ATP10A: variants seen among roughly 807,000 people sequenced by gnomAD.
ATP10A encodes the protein phospholipid-transporting ATPase VA.
ATP10A carries 111 observed loss-of-function variants against 147.8 expected under a neutral mutation model. That is an observed-to-expected ratio of 0.75 (90% confidence interval 0.64 to 0.88). ATP10A has a LOEUF of 0.88. Among genes scored for constraint, ATP10A ranks in the 40% least tolerant of loss-of-function variants. ATP10A has a pLI of 0.00. For synonymous variants in ATP10A, 875 were observed against 841.6 expected (o/e 1.04, Z -0.69); for missense variants, 1,927 against 1,959.0 (o/e 0.98, Z 0.31).
At chr15:25,732,378 G>A (rs1886986373) in intron 3 of ATP10A, among the ~76,000 whole-genome samples, 1 of 151,764 alleles carries the variant, frequency 6.6e-6, no homozygotes, top group Non-Finnish European at 1.5e-5. Flanking sequence ...TGGTACTATA[G>A]GAGTGCACCT....
chr15:25,732,688 TG>T (rs1887014601), intron 3 of ATP10A, among the ~76,000 whole-genome samples: 1 of 147,712 alleles, frequency 6.8e-6, no homozygotes, highest in Non-Finnish European at 1.5e-5. Context: ...CCCGAGTAGC[TG>T]GGACTACAGG....
At chr15:25,805,635 G>C (rs1274711906) in intron 1 of ATP10A, among the ~76,000 whole-genome samples, 1 of 152,142 alleles carries the variant, frequency 6.6e-6, no homozygotes, top group Non-Finnish European at 1.5e-5. Context: ...GATTGGAGGG[G>C]TGTGTCTGTC....
At chr15:25,769,976 C>A (rs941622380) in intron 2 of ATP10A, among the ~76,000 whole-genome samples, 6 of 152,192 alleles carry the variant, frequency 3.9e-5, no homozygotes, top group Admixed American at 6.5e-5. Flanking sequence ...GGACGACCAC[C>A]TGCAAGCCCA....
At position 25,716,783 on chromosome 15, in the gene ATP10A, G is replaced by C. The variant is rs758795698; in HGVS notation, c.1723C>G (p.Leu575Val). 6.2e-7 allele frequency: 1 copy of C among 1,608,784 alleles called. No individual in the cohort carries two copies. The change falls in exon 9 of 21, where the codon CTC becomes GTC. Residue 575 changes from leucine (L) to valine (V), a missense_variant. Transcript: ENST00000555815. ...LSDVFDFFIALTICNTVVVTS... is the reference protein window; with the variant it reads ...LSDVFDFFIAVTICNTVVVTS... ...ACGACGACTGTGTTGCAGATGGTGA[G>C]TGCGATGAAGAAATCAAAGACGTCA...
At chr15:25,854,245 A>T (rs1030228246) in intron 1 of ATP10A, among the ~76,000 whole-genome samples, 4 of 152,134 alleles carry the variant, frequency 2.6e-5, no homozygotes, top group African/African-American at 7.2e-5. Flanking sequence ...AGCTTGAAAG[A>T]GCTCCCAAAA....
At position 25,714,005 on chromosome 15, in the gene ATP10A, G is replaced by A; in HGVS notation, c.2013C>T (p.Ser671=). The change falls in exon 10 of 21, where the codon AGC becomes AGT. Residue 671 remains serine, a synonymous_variant. Transcript: ENST00000555815. ...PTSAIASNGY[S]SQADNWASEL... ...CCGAGGCCCAGTTGTCCGCCTGGCT[G>A]CTGTAGCCGTTGCTGGCGATGGCCG... 2 of 1,610,130 alleles carry A rather than the reference G, an allele frequency of 1.2e-6. No homozygotes were observed. The highest frequency in any genetic ancestry group is 1.7e-6 in the Non-Finnish European group (2 of 1,179,914).
chr15:25,698,092 C>T (rs1900449867), intron 13 of ATP10A, among the ~76,000 whole-genome samples: 1 of 151,758 alleles, frequency 6.6e-6, no homozygotes, highest in Non-Finnish European at 1.5e-5. Flanking sequence ...GGATGGGATC[C>T]CAGAACAAAA....
intron 2 of ATP10A, among the ~76,000 whole-genome samples, chr15:25,753,264 C>T (rs558319777): frequency 2.5e-4 from 38 of 152,260 alleles, no homozygotes; most frequent in African/African-American, 8.7e-4. Context: ...CATCCCCCAG[C>T]CTCTGTAACC....
intron 1 of ATP10A, among the ~76,000 whole-genome samples, chr15:25,854,264 C>T (rs1007357563): frequency 8.5e-5 from 13 of 152,074 alleles, no homozygotes; most frequent in South Asian, 2.1e-4. Flanking sequence ...AAGCCACAGC[C>T]TGGAACAGTG....
At chr15:25,784,212 T>C (rs915660487) in intron 1 of ATP10A, among the ~76,000 whole-genome samples, 8 of 152,292 alleles carry the variant, frequency 5.3e-5, no homozygotes, top group Middle Eastern at 3.4e-3. Context: ...CAGTCACAGT[T>C]TGCTCTCAGA....
At chr15:25,674,933 A>G (rs994567873), downstream of ATP10A, among the ~76,000 whole-genome samples, 2 of 152,246 alleles carry the variant, frequency 1.3e-5, no homozygotes. Context: ...GGTGAAAAGC[A>G]GACAGGTTTG....
chr15:25,779,939 C>T (rs571455846), intron 2 of ATP10A, among the ~76,000 whole-genome samples: 178 of 152,056 alleles, frequency 1.2e-3, no homozygotes, highest in African/African-American at 4.0e-3. Flanking sequence ...GTCAGGCAGA[C>T]GCCTGCCGCA....
At chr15:25,769,207 C>T (rs1889200237) in intron 2 of ATP10A, among the ~76,000 whole-genome samples, 1 of 152,098 alleles carries the variant, frequency 6.6e-6, no homozygotes. Flanking sequence ...TGCATATAGG[C>T]TGGGCATGGT....
At chr15:25,719,633 C>T (rs8029898) in intron 7 of ATP10A, among the ~76,000 whole-genome samples, 24,473 of 151,950 alleles carry the variant, frequency 0.16, 2,192 homozygotes, top group African/African-American at 0.22. Flanking sequence ...CCCTCCTTCC[C>T]TCAGAGGCTG....
chr15:25,703,098 C>T (rs1410694100), intron 12 of ATP10A, among the ~76,000 whole-genome samples: 1 of 152,216 alleles, frequency 6.6e-6, no homozygotes, highest in East Asian at 1.9e-4. Context: ...TGGCTCACGC[C>T]TGTAATCCCA....
intron 1 of ATP10A, among the ~76,000 whole-genome samples, chr15:25,815,292 T>C (rs1891601889): frequency 1.3e-5 from 2 of 152,346 alleles, no homozygotes; most frequent in African/African-American, 4.8e-5. Flanking sequence ...TGACTTCCAG[T>C]TTCAGAACAT....
At chr15:25,850,628 T>C (rs56311514) in intron 1 of ATP10A, among the ~76,000 whole-genome samples, 12 of 146,042 alleles carry the variant, frequency 8.2e-5, no homozygotes, top group African/African-American at 3.0e-4. Flanking sequence ...GCTGCTCCAT[T>C]CTCCCTCCCT....
intron 1 of ATP10A, among the ~76,000 whole-genome samples, chr15:25,838,275 A>G (rs1404395753): frequency 2.6e-5 from 4 of 152,226 alleles, no homozygotes; most frequent in Non-Finnish European, 5.9e-5. Flanking sequence ...TAAGAGGCCT[A>G]ACACTTTGGA....
chr15:25,829,787 G>A (rs2140866403), intron 1 of ATP10A, among the ~76,000 whole-genome samples: 1 of 152,250 alleles, frequency 6.6e-6, no homozygotes, highest in South Asian at 2.1e-4. Context: ...TAGTGGGATG[G>A]GAGGCGGAGA....
Sources: gnomAD v4.1 joint callset for allele counts (sites outside exome capture counted in the v4.1 genomes callset) on GRCh38, gnomAD v4.1.1 for gene constraint, MANE v1.5 for transcripts, NCBI Gene and HGNC (gene_info 2026-07-23, HGNC 2026-07-21) for gene names.